Variants in TNRC6B observed in about 807,000 individuals in gnomAD.
TNRC6B encodes trinucleotide repeat-containing gene 6B protein.
Under a neutral mutation model 203.6 loss-of-function variants are expected in TNRC6B, and 52 were observed. The observed-to-expected ratio is 0.26, with a 90% confidence interval of 0.20 to 0.32. The LOEUF (loss-of-function observed/expected upper bound fraction) is 0.32, where lower values mean the gene tolerates loss of function less well. TNRC6B is among the 10% of genes least tolerant of loss of function. The probability of loss-of-function intolerance (pLI) is 1.00; values close to 1 mark genes in which losing one functional copy is unlikely to be tolerated. For synonymous variants in TNRC6B, 838 were observed against 845.7 expected (o/e 0.99, Z 0.16); for missense variants, 1,923 against 2,286.2 (o/e 0.84, Z 3.24).
intron 1 of TNRC6B, among the ~76,000 whole-genome samples, chr22:40,219,795 A>G (rs1241368897): frequency 6.6e-6 from 1 of 151,944 alleles, no homozygotes; most frequent in African/African-American, 2.4e-5. Flanking sequence ...ATTCTGTCCT[A>G]TTACCCTGTC....
chr22:40,108,300 C>T (rs891836130), intron 1 of TNRC6B, among the ~76,000 whole-genome samples: 3 of 152,116 alleles, frequency 2.0e-5, no homozygotes, highest in South Asian at 2.1e-4. Context: ...CTGCACAGCC[C>T]GGCAGAACCC....
rs184691218 is a variant in TNRC6B at position 40,121,025 on chromosome 22, C to T, written c.-47+3897C>T. 1.6e-3 allele frequency among the ~76,000 whole-genome samples: 250 copies of T among 152,252 alleles called. 2 individuals are homozygous for T. Among genetic ancestry groups the T allele is most frequent in the Non-Finnish European group, 3.0e-3 (207 of 68,006 alleles). The stretch of plus-strand genomic sequence containing the variant: ...CACTCATCAGAGAAGTGACTTCACC[C>T]CTGACAGCCTGAGTCAGGGATACAA... On this transcript the variant is annotated intron_variant, in intron 2 of 23. Transcript: ENST00000301923.
At chr22:40,046,579 A>G (rs1346686262) in intron 1 of TNRC6B, among the ~76,000 whole-genome samples, 1 of 152,104 alleles carries the variant, frequency 6.6e-6, no homozygotes, top group African/African-American at 2.4e-5. Context: ...ATGCCCTTGA[A>G]AAAGATTTCC....
intron 1 of TNRC6B, among the ~76,000 whole-genome samples, chr22:40,068,473 A>G (rs1159504892): frequency 1.3e-5 from 2 of 151,912 alleles, no homozygotes; most frequent in Admixed American, 6.6e-5. Flanking sequence ...ACGCGCCACC[A>G]TGCCCAGCCA....
intron 3 of TNRC6B, among the ~76,000 whole-genome samples, chr22:40,132,389 C>T (rs117093907): frequency 0.04 from 5,774 of 144,634 alleles, 148 homozygotes; most frequent in Non-Finnish European, 0.059. Flanking sequence ...CGAGACGGGA[C>T]GGGACGGGAC....
rs1021121697 is a variant in TNRC6B at position 40,312,068 on chromosome 22, T to G, written c.4436-437T>G. 2.6e-5 allele frequency among the ~76,000 whole-genome samples: 4 copies of G among 152,258 alleles called. No individual in the cohort carries two copies. In the East Asian group the frequency reaches 7.7e-4, roughly 29 times the overall value. On this transcript the variant is annotated intron_variant, in intron 17 of 22. Transcript: ENST00000454349. ...CTGGACATTCTGTGTAGCAGTATCA[T>G]TTGTATTACATTTTTTGCATTTTGG... is the stretch of plus-strand genomic sequence containing the variant.
chr22:40,245,711 C>CGT lies in TNRC6B; in HGVS notation c.6-285_6-284dup, dbSNP rs66501173. 1.7e-3 allele frequency among the ~76,000 whole-genome samples: 261 copies of CGT among 151,120 alleles called. 1 individual carries two copies. Among genetic ancestry groups the CGT allele is most frequent in the African/African-American group, 5.5e-3 (224 of 41,058 alleles). On this transcript the variant is annotated intron_variant, in intron 1 of 22. Coordinates refer to ENST00000454349, the MANE Select transcript of TNRC6B (RefSeq NM_001162501.2). ...GGTCCTTTGCTGAGTGGAAATTAATCGTGTGTGTGTGTGTGTGTGTTTGTG... is the reference window on the plus strand; with the variant it reads ...GGTCCTTTGCTGAGTGGAAATTAATCGTGTGTGTGTGTGTGTGTGTGTTTGTG...
chr22:40,287,413 CTTTCT>C (rs905861960), intron 12 of TNRC6B, among the ~76,000 whole-genome samples: 25 of 152,298 alleles, frequency 1.6e-4, no homozygotes, highest in Non-Finnish European at 3.2e-4. Flanking sequence ...GAGTCTGTAT[CTTTCT>C]TAGTGGGGGA....
At chr22:40,225,953 T>C (rs2069779851) in intron 1 of TNRC6B, among the ~76,000 whole-genome samples, 3 of 152,282 alleles carry the variant, frequency 2.0e-5, no homozygotes, top group African/African-American at 7.2e-5. Context: ...CCTGAAGAGT[T>C]AAACACAGGT....
intron 1 of TNRC6B, among the ~76,000 whole-genome samples, chr22:40,047,604 C>T (rs560930010): frequency 1.3e-5 from 2 of 149,400 alleles, no homozygotes; most frequent in Admixed American, 1.3e-4. Flanking sequence ...ATTCAGTCTC[C>T]AAGAAAAAAA....
chr22:40,207,059 G>A (rs1381152412), intron 1 of TNRC6B, among the ~76,000 whole-genome samples: 1 of 151,966 alleles, frequency 6.6e-6, no homozygotes, highest in African/African-American at 2.4e-5. Flanking sequence ...AGTCCTTCAC[G>A]TTCATGCCTT....
intron 1 of TNRC6B, among the ~76,000 whole-genome samples, chr22:40,231,763 G>C (rs774724368): frequency 1.3e-5 from 2 of 152,196 alleles, no homozygotes; most frequent in Non-Finnish European, 2.9e-5. Flanking sequence ...TATTGTTGAT[G>C]AAATTAGAGT....
intron 2 of TNRC6B, among the ~76,000 whole-genome samples, chr22:40,250,079 C>T (rs1166411010): frequency 1.3e-5 from 2 of 152,130 alleles, no homozygotes; most frequent in East Asian, 3.8e-4. Context: ...GATTACCAGC[C>T]ACAAATCATC....
intron 2 of TNRC6B, among the ~76,000 whole-genome samples, chr22:40,121,022 A>AC (rs951066768): frequency 6.6e-6 from 1 of 152,080 alleles, no homozygotes; most frequent in African/African-American, 2.4e-5. Flanking sequence ...AAGTGACTTC[A>AC]CCCCTGACAG....
chr22:40,084,841 G>A (rs1034016896), intron 1 of TNRC6B, among the ~76,000 whole-genome samples: 2 of 152,168 alleles, frequency 1.3e-5, no homozygotes, highest in African/African-American at 4.8e-5. Context: ...TCAGGAGTTT[G>A]GTGCATGTAT....
At chr22:40,093,233 C>T (rs144081317) in intron 1 of TNRC6B, among the ~76,000 whole-genome samples, 52 of 152,226 alleles carry the variant, frequency 3.4e-4, no homozygotes, top group African/African-American at 1.1e-3. Flanking sequence ...TGAAGCAGGA[C>T]TTACTGAACT....
At chr22:40,145,451 ATTTTCT>A (rs995440323) in intron 3 of TNRC6B, among the ~76,000 whole-genome samples, 1 of 152,072 alleles carries the variant, frequency 6.6e-6, no homozygotes, top group Non-Finnish European at 1.5e-5. Flanking sequence ...AAATATATAC[ATTTTCT>A]TTTTAACTGC....
At chr22:40,322,512 C>G (rs139910601) in intron 22 of TNRC6B, among the ~76,000 whole-genome samples, 1 of 152,320 alleles carries the variant, frequency 6.6e-6, no homozygotes, top group African/African-American at 2.4e-5. Context: ...CAGACACACA[C>G]GTTTTTCTTG....
At chr22:40,282,336 A>G (rs1418701935) in intron 11 of TNRC6B, among the ~76,000 whole-genome samples, 1 of 152,218 alleles carries the variant, frequency 6.6e-6, no homozygotes, top group Non-Finnish European at 1.5e-5. Flanking sequence ...TACTATATCC[A>G]TGTGTTCAGT....
Sources: allele counts gnomAD v4.1 joint callset (sites outside exome capture counted in the v4.1 genomes callset), GRCh38; gene constraint gnomAD v4.1.1; transcripts MANE v1.5; gene names NCBI Gene and HGNC (gene_info 2026-07-23, HGNC 2026-07-21).